Variants in GMEB1 observed in about 807,000 individuals in gnomAD.
GMEB1 encodes glucocorticoid modulatory element binding protein 1.
GMEB1 carries 6 observed loss-of-function variants against 52.4 expected under a neutral mutation model. That is an observed-to-expected ratio of 0.11 (90% CI 0.06 to 0.23). GMEB1 has a LOEUF of 0.23. Ranked by LOEUF, GMEB1 falls within the 10% of genes least tolerant of loss-of-function variation. The pLI is 1.00. For missense variants in GMEB1, 486 were observed against 685.6 expected (o/e 0.71, Z 3.25); for synonymous variants, 255 against 244.9 (o/e 1.04, Z -0.38).
rs1260455703 is a variant in GMEB1 at position 28,687,377 on chromosome 1, C to CAAAAAAAA, written c.129-2726_129-2725insAAAAAAAA. ...ACACACACACACACACACACACACACACACACACACAAAAAAAGACAGTGG... is the reference window on the plus strand; with the variant it reads ...ACACACACACACACACACACACACACAAAAAAAAACACACACACAAAAAAAGACAGTGG... On this transcript the variant is annotated intron_variant, in intron 2 of 9. Transcript: ENST00000373816. Among the ~76,000 whole-genome samples the CAAAAAAAA allele has an allele frequency of 9.0e-3, 133 of 14,778 alleles. 22 individuals are homozygous for CAAAAAAAA. The highest frequency in any genetic ancestry group is 0.063 in the East Asian group (10 of 158). 9.7% of individuals were successfully genotyped at this position (14,778 alleles called of 152,430 possible).
intron 1 of GMEB1, among the ~76,000 whole-genome samples, chr1:28,682,740 A>T (rs1252918618): frequency 6.6e-6 from 1 of 152,002 alleles, no homozygotes; most frequent in East Asian, 1.9e-4. Context: ...CTCCCTCCAC[A>T]GATACTGAGT....
rs1671271827 is a variant in GMEB1, at chr1:28,716,294, A to G, written c.*1521A>G. ...GTGGCTGTCACAGGGATGGGGCTCC[A>G]AGGCCATCATTTTCATTGCATGGCT... is the stretch of plus-strand genomic sequence containing the variant. On this transcript the variant is annotated 3_prime_UTR_variant, in exon 10 of 10. Coordinates refer to ENST00000373816, the MANE Select transcript of GMEB1 (RefSeq NM_001319674.2). 1 of 152,162 alleles carries G rather than the reference A, an allele frequency of 6.6e-6. No homozygotes were observed. The highest frequency in any genetic ancestry group is 2.4e-5 in the African/African-American group (1 of 41,432). 9.4% of individuals were successfully genotyped at this position (152,162 alleles called of 1,614,324 possible).
chr1:28,685,150 C>A (rs540640428), intron 2 of GMEB1, among the ~76,000 whole-genome samples: 4 of 152,044 alleles, frequency 2.6e-5, no homozygotes, highest in African/African-American at 9.6e-5. Context: ...GAGTCTAGCA[C>A]CTACTACAAT....
chr1:28,681,038 C>T (rs1321332621), intron 1 of GMEB1, among the ~76,000 whole-genome samples: 1 of 152,070 alleles, frequency 6.6e-6, no homozygotes, highest in African/African-American at 2.4e-5. Flanking sequence ...GAACGAAACT[C>T]TGTCTAAAAA....
intron 6 of GMEB1, among the ~76,000 whole-genome samples, chr1:28,701,340 G>GC (rs1398483174): frequency 2.1e-5 from 3 of 144,294 alleles, no homozygotes; most frequent in Non-Finnish European, 4.5e-5. Flanking sequence ...CGCGATCTCG[G>GC]CTCACTGCAA....
intron 2 of GMEB1, among the ~76,000 whole-genome samples, chr1:28,688,694 A>G (rs1220387780): frequency 1.3e-5 from 2 of 151,936 alleles, no homozygotes; most frequent in East Asian, 3.9e-4. Context: ...AAAATGCTAA[A>G]AACAAACAAA....
In GMEB1 at chr1:28,702,518, G is replaced by A. The variant is rs780427479; in HGVS notation, c.679G>A (p.Val227Ile). 6.8e-6 allele frequency: 11 copies of A among 1,613,718 alleles called. No individual in the cohort carries two copies. In the South Asian group the frequency reaches 1.2e-4, roughly 18 times the overall value. ...LEWNSALTAA[V>I]TMATEEGVKK... The stretch of plus-strand genomic sequence containing the variant: ...ATGGAACTCAGCTCTCACCGCTGCT[G>A]TCACCATGGCCACGGAGGAGGGTGT... The change falls in exon 7 of 10, where the codon GTC becomes ATC. Residue 227 changes from valine (V) to isoleucine (I), a missense_variant. This residue lies in a region of GMEB1 where 200 missense variants were observed against 253.5 expected (regional missense o/e 0.79). Transcript: ENST00000373816.
intron 5 of GMEB1, 59 bp from the exon 6 acceptor site, chr1:28,696,858 TCCCTGAGGCC>T: frequency 1.6e-6 from 2 of 1,225,296 alleles, no homozygotes; most frequent in South Asian, 1.6e-5. Flanking sequence ...TCCCTATTTT[TCCCTGAGGCC>T]TAGTTCCCAC....
chr1:28,705,536 A>C (rs1570430798), intron 8 of GMEB1, among the ~76,000 whole-genome samples: 2 of 138,044 alleles, frequency 1.4e-5, no homozygotes, highest in Non-Finnish European at 1.5e-5. Context: ...TGCAACCTCC[A>C]CCTCCTGAGT....
At chr1:28,688,812 ACTT>A (rs1042628933) in intron 2 of GMEB1, among the ~76,000 whole-genome samples, 7 of 150,534 alleles carry the variant, frequency 4.7e-5, no homozygotes, top group African/African-American at 1.7e-4. Flanking sequence ...TGCTGGTACT[ACTT>A]TTTAGTCTTT....
intron 1 of GMEB1, among the ~76,000 whole-genome samples, chr1:28,669,843 A>G (rs1357500423): frequency 6.6e-6 from 1 of 152,158 alleles, no homozygotes; most frequent in Non-Finnish European, 1.5e-5. Flanking sequence ...GCCAGGTGTT[A>G]TCTAATTGAG....
At chr1:28,668,538 C>T (rs1252409054), upstream of GMEB1, among the ~76,000 whole-genome samples, 1 of 152,072 alleles carries the variant, frequency 6.6e-6, no homozygotes, top group Non-Finnish European at 1.5e-5. Flanking sequence ...GCCTATTTTC[C>T]TCATCTATGA....
At position 28,715,025 on chromosome 1, in the gene GMEB1, C is replaced by A. The variant is rs1282602828; in HGVS notation, c.*252C>A. 1 of 427,010 alleles carries A rather than the reference C, an allele frequency of 2.3e-6. No homozygotes were observed. The highest frequency in any genetic ancestry group is 4.2e-6 in the Non-Finnish European group (1 of 237,086). The allele number at this position is 427,010 out of a possible 1,614,324, so 26.5% of individuals were successfully genotyped here. On this transcript the variant is annotated 3_prime_UTR_variant, in exon 10 of 10. Transcript: ENST00000373816. Reference sequence around the variant, plus strand: ...TCATCTTACACCAAGAAAGTAATTTCTTTTAGGGGAAGTGTCAAGATAACA... The same window carrying A: ...TCATCTTACACCAAGAAAGTAATTTATTTTAGGGGAAGTGTCAAGATAACA...
rs777245328 is a variant in GMEB1 at position 28,691,603 on chromosome 1, C to T, written c.230C>T (p.Ala77Val). The T allele has an allele frequency of 5.8e-6, 9 of 1,559,280 alleles. No homozygotes were observed. The Admixed American group carries it at 1.6e-4, about 27-fold the overall frequency. The change falls in exon 4 of 10, where the codon GCA (alanine) becomes GTA (valine). Residue 77 changes from alanine to valine, a missense_variant. By Grantham distance (64) the Ala-to-Val change is moderately conservative. This residue lies in a region of GMEB1 where 88 missense variants were observed against 96.5 expected (regional missense o/e 0.91). Transcript: ENST00000373816. ...TTTTCAGATACAGGCACTATAGAAGCAAATGAGGATATGGAAATTGCTTAC... is the reference window on the plus strand; with the variant it reads ...TTTTCAGATACAGGCACTATAGAAGTAAATGAGGATATGGAAATTGCTTAC... ...EEGIDTGTIE[A>V]NEDMEIAYPI...
At chr1:28,711,490 G>T (rs554760635) in intron 9 of GMEB1, among the ~76,000 whole-genome samples, 2 of 152,154 alleles carry the variant, frequency 1.3e-5, no homozygotes, top group South Asian at 4.2e-4. Context: ...GTCTCACTCT[G>T]TCACTGAGGC....
intron 9 of GMEB1, 38 bp from the exon 10 acceptor site, chr1:28,714,035 A>G (rs1241311635): frequency 6.8e-7 from 1 of 1,463,772 alleles, no homozygotes; most frequent in African/African-American, 1.4e-5. Context: ...CCAAGATTTT[A>G]CTTCCCTCTA....
Position 28,714,592 on chromosome 1 carries a change from C to T in GMEB1, c.1511C>T (p.Thr504Ile), listed in dbSNP as rs1671207746. The change falls in exon 10 of 10, where the codon ACC becomes ATC. Residue 504 changes from threonine to isoleucine, a missense_variant. By Grantham distance (89) the Thr-to-Ile change is moderately conservative. This residue lies in a region of GMEB1 where 153 missense variants were observed against 200.8 expected (regional missense o/e 0.76). Coordinates refer to ENST00000373816, the MANE Select transcript of GMEB1 (RefSeq NM_001319674.2). ...TCGGCAATTCAGGCTGTTGAAAGCACCTCAGAGGATGGGCAGACCATCATT... is the reference window on the plus strand; with the variant it reads ...TCGGCAATTCAGGCTGTTGAAAGCATCTCAGAGGATGGGCAGACCATCATT... ...LTSAIQAVES[T>I]SEDGQTIIEI... 6.2e-7 allele frequency: 1 copy of T among 1,614,038 alleles called. No homozygotes were observed. The highest frequency in any genetic ancestry group is 1.3e-5 in the African/African-American group (1 of 74,906).
chr1:28,718,825 G>A lies in GMEB1; in HGVS notation c.*4052G>A, dbSNP rs1570448904. ...AGGAGCTGAGAGAACAAAGCATGAA[G>A]TGCCTAACCCAGCTTAGCGGTGTAG... On this transcript the variant is annotated 3_prime_UTR_variant, in exon 10 of 10. Transcript: ENST00000373816. 1 of 152,188 alleles carries A rather than the reference G, an allele frequency of 6.6e-6. No individual in the cohort carries two copies. Among genetic ancestry groups the A allele is most frequent in the South Asian group, 2.1e-4 (1 of 4,826 alleles). 9.4% of individuals were successfully genotyped at this position (152,188 alleles called of 1,614,324 possible). A position where few individuals can be genotyped will look rare whatever the true frequency, so the allele number is the denominator to read the frequency against.
rs1570398307 is a variant in GMEB1, at chr1:28,687,283, C to A, written c.129-2821C>A. ...TCAGGGAGGTTAAGGCTGTAGTGAA[C>A]TATGATCTCACCACTGCATTCTAGC... On this transcript the variant is annotated intron_variant, in intron 2 of 9. Transcript: ENST00000373816. 3.4e-5 allele frequency among the ~76,000 whole-genome samples: 5 copies of A among 145,444 alleles called. 1 individual carries two copies. In the Admixed American group the frequency reaches 3.6e-4, roughly 10 times the overall value.
Sources: gnomAD v4.1 joint callset for allele counts (sites outside exome capture counted in the v4.1 genomes callset) on GRCh38, gnomAD v4.1.1 for gene constraint, gnomAD v4.1.1 regional missense constraint, MANE v1.5 for transcripts, NCBI Gene and HGNC (gene_info 2026-07-23, HGNC 2026-07-21) for gene names.